TSPAN5: variants seen among roughly 807,000 people sequenced by gnomAD.
TSPAN5 encodes the protein tetraspanin-5.
A neutral mutation model predicts 37.1 loss-of-function variants in TSPAN5; 10 were observed. That is an observed-to-expected ratio of 0.27 (90% CI 0.17 to 0.46). The LOEUF is 0.46. Among genes scored for constraint, TSPAN5 ranks in the 20% least tolerant of loss-of-function variants. The pLI is 1.00. For synonymous variants in TSPAN5, 110 were observed against 118.9 expected (o/e 0.93, Z 0.48); for missense variants, 195 against 326.6 (o/e 0.60, Z 3.11).
intron 1 of TSPAN5, among the ~76,000 whole-genome samples, chr4:98,617,116 T>C (rs1756360510): frequency 6.6e-6 from 1 of 152,116 alleles, no homozygotes; most frequent in African/African-American, 2.4e-5. Flanking sequence ...CAGAAATCTT[T>C]AAGAAAGAAT....
At chr4:98,556,780 T>C (rs562702618) in intron 1 of TSPAN5, among the ~76,000 whole-genome samples, 1 of 152,322 alleles carries the variant, frequency 6.6e-6, no homozygotes, top group African/African-American at 2.4e-5. Flanking sequence ...CCATTATTCA[T>C]TTTTAGCAGT....
chr4:98,610,776 C>A (rs930461505), intron 1 of TSPAN5, among the ~76,000 whole-genome samples: 3 of 152,080 alleles, frequency 2.0e-5, no homozygotes, highest in Non-Finnish European at 4.4e-5. Flanking sequence ...GGCTGCTCAC[C>A]CACCCTAAGG....
intron 1 of TSPAN5, among the ~76,000 whole-genome samples, chr4:98,533,733 G>A (rs1290415640): frequency 6.8e-6 from 1 of 147,928 alleles, no homozygotes; most frequent in African/African-American, 2.5e-5. Flanking sequence ...TGTATTTTTA[G>A]TAGAGACAGG....
rs575710017 is a variant in TSPAN5 at position 98,587,652 on chromosome 4, G to C, written c.81+70494C>G. Among the ~76,000 whole-genome samples, 10 of 152,276 alleles carry C rather than the reference G, an allele frequency of 6.6e-5. No individual in the cohort carries two copies. The South Asian group carries it at 1.9e-3, about 28-fold the overall frequency. ...TGCCTGTAATCCCAGCACTTTAGGAGGCTGAGGCGGGCAGATCACGAGGTC... is the reference window on the plus strand; with the variant it reads ...TGCCTGTAATCCCAGCACTTTAGGACGCTGAGGCGGGCAGATCACGAGGTC... On this transcript the variant is annotated intron_variant, in intron 1 of 7. Coordinates refer to ENST00000305798, the MANE Select transcript of TSPAN5 (RefSeq NM_005723.4).
At chr4:98,497,316 CA>C (rs398051229) in intron 2 of TSPAN5, among the ~76,000 whole-genome samples, 41,405 of 101,650 alleles carry the variant, frequency 0.41, 6,323 homozygotes, top group South Asian at 0.52. Flanking sequence ...GACTCCATCT[CA>C]AAAAAAAAAA....
At chr4:98,507,636 C>T (rs532414952) in intron 2 of TSPAN5, 42 bp downstream of exon 2, 2 of 1,523,450 alleles carry the variant, frequency 1.3e-6, no homozygotes, top group South Asian at 1.2e-5. Flanking sequence ...TGTGCAGCCT[C>T]TAACAACCAC....
At chr4:98,612,779 G>C (rs1459131476) in intron 1 of TSPAN5, among the ~76,000 whole-genome samples, 9 of 151,996 alleles carry the variant, frequency 5.9e-5, no homozygotes, top group Non-Finnish European at 1.3e-4. Flanking sequence ...TCCACATCAG[G>C]CCTCCCTTAC....
intron 1 of TSPAN5, among the ~76,000 whole-genome samples, chr4:98,624,566 G>A (rs1365223217): frequency 2.0e-5 from 3 of 151,982 alleles, no homozygotes; most frequent in Non-Finnish European, 2.9e-5. Context: ...TTTTAGATAC[G>A]GAGTGATACT....
chr4:98,496,203 C>G (rs1291501826), intron 2 of TSPAN5, among the ~76,000 whole-genome samples: 1 of 152,148 alleles, frequency 6.6e-6, no homozygotes, highest in Admixed American at 6.5e-5. Flanking sequence ...ACAGTAAGAA[C>G]AAATAGAGAC....
intron 1 of TSPAN5, among the ~76,000 whole-genome samples, chr4:98,531,210 T>C (rs1404741633): frequency 6.6e-6 from 1 of 152,158 alleles, no homozygotes. Context: ...CCTAATGCTA[T>C]CCCTCCCCTA....
At chr4:98,634,846 TG>T (rs1756820356) in intron 1 of TSPAN5, among the ~76,000 whole-genome samples, 1 of 151,904 alleles carries the variant, frequency 6.6e-6, no homozygotes, top group Non-Finnish European at 1.5e-5. Flanking sequence ...CTGGACAGAG[TG>T]GGAGAAGAGA....
chr4:98,549,710 T>C (rs1190675006), intron 1 of TSPAN5, among the ~76,000 whole-genome samples: 4 of 152,190 alleles, frequency 2.6e-5, no homozygotes, highest in Non-Finnish European at 5.9e-5. Context: ...TCATGTTTTT[T>C]GCTCACTTTT....
intron 1 of TSPAN5, among the ~76,000 whole-genome samples, chr4:98,553,175 A>G (rs1416420188): frequency 6.6e-6 from 1 of 152,246 alleles, no homozygotes; most frequent in African/African-American, 2.4e-5. Flanking sequence ...ATTGTTAGAT[A>G]ACACTAGTAT....
chr4:98,588,070 G>A (rs1365354535), intron 1 of TSPAN5, among the ~76,000 whole-genome samples: 5 of 151,978 alleles, frequency 3.3e-5, no homozygotes, highest in Non-Finnish European at 7.4e-5. Flanking sequence ...CCATCCTCCC[G>A]CCCTGCACAG....
chr4:98,514,934 G>A (rs1234951999), intron 1 of TSPAN5, among the ~76,000 whole-genome samples: 2 of 152,180 alleles, frequency 1.3e-5, no homozygotes, highest in Middle Eastern at 3.2e-3. Context: ...GAAGTGCTGT[G>A]GAAAGAGATC....
intron 1 of TSPAN5, among the ~76,000 whole-genome samples, chr4:98,572,868 T>C (rs1001747897): frequency 6.6e-6 from 1 of 152,252 alleles, no homozygotes; most frequent in Non-Finnish European, 1.5e-5. Flanking sequence ...CAGTCCAGAT[T>C]GTCTAACTCA....
intron 1 of TSPAN5, among the ~76,000 whole-genome samples, chr4:98,587,588 T>A (rs1755520960): frequency 6.6e-6 from 1 of 152,084 alleles, no homozygotes; most frequent in Non-Finnish European, 1.5e-5. Context: ...CATCGCCATC[T>A]CCATAAACAC....
At chr4:98,580,830 T>C (rs996195406) in intron 1 of TSPAN5, among the ~76,000 whole-genome samples, 1 of 152,080 alleles carries the variant, frequency 6.6e-6, no homozygotes, top group African/African-American at 2.4e-5. Context: ...AGTTTCCTCT[T>C]TGCTGCCTGG....
chr4:98,524,239 C>G (rs1234176525), intron 1 of TSPAN5, among the ~76,000 whole-genome samples: 1 of 152,162 alleles, frequency 6.6e-6, no homozygotes, highest in South Asian at 2.1e-4. Context: ...CAAGAAACTT[C>G]TTTTCATTTT....
Sources: allele counts gnomAD v4.1 joint callset (sites outside exome capture counted in the v4.1 genomes callset), GRCh38; gene constraint gnomAD v4.1.1; transcripts MANE v1.5; gene names NCBI Gene and HGNC (gene_info 2026-07-23, HGNC 2026-07-21).